TPCN2: variants seen among roughly 807,000 people sequenced by gnomAD.
TPCN2 encodes two pore segment channel 2.
Under a neutral mutation model 111.4 loss-of-function variants are expected in TPCN2, and 92 were observed. That is an observed-to-expected ratio of 0.83 (90% CI 0.70 to 0.98). The LOEUF (loss-of-function observed/expected upper bound fraction) is 0.98, where lower values mean the gene tolerates loss of function less well. Ranked by LOEUF, TPCN2 falls within the 50% of genes least tolerant of loss-of-function variation. The pLI is 0.00. For missense variants in TPCN2, 995 were observed against 980.1 expected (o/e 1.02, Z -0.20); for synonymous variants, 405 against 414.5 (o/e 0.98, Z 0.28).
chr11:69,087,089 T>A (rs758377112), intron 23 of TPCN2, 23 bp from the exon 24 acceptor site: 1 of 1,607,138 alleles, frequency 6.2e-7, no homozygotes, highest in Non-Finnish European at 8.5e-7. Context: ...CCACACTCAC[T>A]GGCCACTCCT....
chr11:69,068,300 G>T (rs917013883), intron 8 of TPCN2, among the ~76,000 whole-genome samples: 4 of 148,726 alleles, frequency 2.7e-5, no homozygotes, highest in Admixed American at 2.7e-4. Context: ...GGAAGTGACC[G>T]CACTGGGAGC....
chr11:69,075,874 G>A (rs1172251794), intron 13 of TPCN2, among the ~76,000 whole-genome samples: 2 of 152,158 alleles, frequency 1.3e-5, no homozygotes, highest in Non-Finnish European at 2.9e-5. Flanking sequence ...AGGGAAGTGG[G>A]AAAATCCACC....
chr11:69,072,391 G>A (rs909804042), intron 11 of TPCN2, among the ~76,000 whole-genome samples: 2 of 152,084 alleles, frequency 1.3e-5, no homozygotes, highest in Admixed American at 6.6e-5. Flanking sequence ...AGAGCTTGAG[G>A]GACATTGCAG....
intron 18 of TPCN2, among the ~76,000 whole-genome samples, chr11:69,082,674 T>C (rs1387145757): frequency 7.5e-6 from 1 of 133,886 alleles, no homozygotes; most frequent in Admixed American, 7.3e-5. Context: ...TGTGAACTCG[T>C]GCCCGTGTAA....
rs551879650 is a variant in TPCN2, at chr11:69,064,506, C to T, written c.726+539C>T. 5.9e-5 allele frequency among the ~76,000 whole-genome samples: 9 copies of T among 152,270 alleles called. No individual in the cohort carries two copies. The South Asian group carries it at 6.2e-4, about 11-fold the overall frequency. On this transcript the variant is annotated intron_variant, in intron 7 of 24. Coordinates refer to ENST00000294309, the MANE Select transcript of TPCN2 (RefSeq NM_139075.4). Reference sequence around the variant, plus strand: ...GTCTCTCCCACCATATCCTCCTCTGCGGCTGCCCCGGGGCCCAGCAGCTCG... The same window carrying T: ...GTCTCTCCCACCATATCCTCCTCTGTGGCTGCCCCGGGGCCCAGCAGCTCG...
rs1854833967 is a variant in TPCN2, at chr11:69,057,624, T to C, written c.476T>C (p.Leu159Pro). 6.2e-7 allele frequency: 1 copy of C among 1,614,096 alleles called. No homozygotes were observed. Among genetic ancestry groups the C allele is most frequent in the Non-Finnish European group, 8.5e-7 (1 of 1,180,040 alleles). Residue 159 changes from leucine (L) to proline (P), a missense_variant, in exon 5 of 25, where the codon CTG becomes CCG. Leu to Pro is a moderately conservative substitution (Grantham distance 98, BLOSUM62 -3). Coordinates refer to ENST00000294309, the MANE Select transcript of TPCN2 (RefSeq NM_139075.4). ...CATTTCCAGAAAAACCTTTGGCTGC[T>C]GGGCTACCTCGTGGTGCTGGTGGTG... ...WAHFQKNLWL[L>P]GYLVVLVVSL...
At chr11:69,080,935 A>T (rs1451221785) in intron 17 of TPCN2, among the ~76,000 whole-genome samples, 6 of 151,946 alleles carry the variant, frequency 3.9e-5, no homozygotes, top group African/African-American at 1.2e-4. Flanking sequence ...TGGGTCAGGG[A>T]TGGGGTCAGG....
intron 8 of TPCN2, among the ~76,000 whole-genome samples, chr11:69,069,231 G>T (rs1346581362): frequency 9.2e-5 from 11 of 119,490 alleles, no homozygotes; most frequent in East Asian, 2.5e-4. Flanking sequence ...CCTAGGAAGT[G>T]ACCGCAGTGG....
intron 7 of TPCN2, among the ~76,000 whole-genome samples, chr11:69,066,880 C>T (rs571392862): frequency 1.3e-5 from 2 of 152,304 alleles, no homozygotes; most frequent in Non-Finnish European, 2.9e-5. Context: ...AGCAGAGTTG[C>T]TTTCCGAGCA....
intron 13 of TPCN2, among the ~76,000 whole-genome samples, chr11:69,074,288 CTT>C (rs1855660480): frequency 6.6e-6 from 1 of 152,236 alleles, no homozygotes; most frequent in Admixed American, 6.5e-5. Flanking sequence ...CGGGCATCCT[CTT>C]TAGGGCTGCA....
At chr11:69,070,560 C>T (rs3829236) in intron 9 of TPCN2, 65 bp downstream of exon 9, 582,810 of 1,220,682 alleles carry the variant, frequency 0.48, 143,794 homozygotes, top group South Asian at 0.67. Context: ...ACCGATACAC[C>T]CTGCTGCCTC....
Position 69,073,019 on chromosome 11 carries a change from C to A in TPCN2, c.1230+18C>A. 4 of 1,600,602 alleles carry A rather than the reference C, an allele frequency of 2.5e-6. No individual in the cohort carries two copies. The highest frequency in any genetic ancestry group is 3.4e-6 in the Non-Finnish European group (4 of 1,168,260). Reference sequence around the variant, plus strand: ...TTAAAGAGGTAACTGGGGCCACAGCCGCCCAGGGTGGATAGTGGGGGCCTT... The same window carrying A: ...TTAAAGAGGTAACTGGGGCCACAGCAGCCCAGGGTGGATAGTGGGGGCCTT... On this transcript the variant is annotated intron_variant, in intron 13 of 24. Transcript: ENST00000294309.
At chr11:69,057,535 CGT>C (rs761547414) in intron 4 of TPCN2, 41 bp from the exon 5 acceptor site, 1 of 1,558,672 alleles carries the variant, frequency 6.4e-7, no homozygotes, top group African/African-American at 1.4e-5. Flanking sequence ...GCAGGGCCAG[CGT>C]GTGGGGCTAC....
chr11:69,051,266 T>C (rs1861214630), intron 1 of TPCN2, among the ~76,000 whole-genome samples: 1 of 152,230 alleles, frequency 6.6e-6, no homozygotes, highest in Non-Finnish European at 1.5e-5. Flanking sequence ...TTTCTCTTGT[T>C]GCTGGGTCAG....
intron 22 of TPCN2, among the ~76,000 whole-genome samples, chr11:69,086,214 G>A (rs1856266862): frequency 6.6e-6 from 1 of 152,182 alleles, no homozygotes; most frequent in Non-Finnish European, 1.5e-5. Flanking sequence ...GGGTGGGGGA[G>A]CCCCGGGAAG....
rs114178400 is a variant in TPCN2, at chr11:69,084,238, G to C, written c.1761+222G>C. ...GGGAGCTCGGGTGGTGTGGCTGGTG[G>C]CCCTGCCTGAGCATCCTTCCCTCCC... On this transcript the variant is annotated intron_variant, in intron 19 of 24. Coordinates refer to ENST00000294309, the MANE Select transcript of TPCN2 (RefSeq NM_139075.4). 4.1e-3 allele frequency among the ~76,000 whole-genome samples: 629 copies of C among 152,330 alleles called. 6 individuals are homozygous for C. Among genetic ancestry groups the C allele is most frequent in the African/African-American group, 0.015 (614 of 41,562 alleles).
At chr11:69,051,976 C>T (rs1465856273) in intron 1 of TPCN2, among the ~76,000 whole-genome samples, 1 of 152,132 alleles carries the variant, frequency 6.6e-6, no homozygotes, top group Non-Finnish European at 1.5e-5. Context: ...GGGGAAGCTG[C>T]GATGTGCTTC....
chr11:69,085,829 C>G lies in TPCN2; in HGVS notation c.1921-19C>G, dbSNP rs760397540. 1.6e-5 allele frequency: 26 copies of G among 1,613,896 alleles called. No homozygotes were observed. In the Admixed American group the frequency reaches 4.2e-4, roughly 26 times the overall value. ...CTACCTCCTGGGCCCTCCTGGACCG[C>G]TGGTCTCTGCCCCCGCAGGCTGCCC... is the stretch of plus-strand genomic sequence containing the variant. On this transcript the variant is annotated intron_variant, in intron 21 of 24. Coordinates refer to ENST00000294309, the MANE Select transcript of TPCN2 (RefSeq NM_139075.4).
chr11:69,052,314 C>A (rs544965073), intron 1 of TPCN2, among the ~76,000 whole-genome samples: 61 of 152,268 alleles, frequency 4.0e-4, no homozygotes, highest in African/African-American at 1.4e-3. Context: ...ACCGGCCCCC[C>A]AGGCTCCCCT....
Sources: gnomAD v4.1 joint callset for allele counts (sites outside exome capture counted in the v4.1 genomes callset) on GRCh38, gnomAD v4.1.1 for gene constraint, MANE v1.5 for transcripts, NCBI Gene and HGNC (gene_info 2026-07-23, HGNC 2026-07-21) for gene names.